BMPR1B: variants seen among roughly 807,000 people sequenced by gnomAD.
The protein encoded by BMPR1B is bone morphogenetic protein receptor type-1B.
BMPR1B carries 12 observed loss-of-function variants against 59.1 expected under a neutral mutation model. The ratio of observed to expected loss-of-function variants is 0.20; its 90% confidence interval spans 0.13 to 0.33. BMPR1B has a LOEUF of 0.33. BMPR1B is among the 10% of genes least tolerant of loss of function. The pLI, the probability that BMPR1B is intolerant of heterozygous loss-of-function variation, is 1.00. For missense variants in BMPR1B, 550 were observed against 610.9 expected, an observed-to-expected ratio of 0.90 and a Z score of 1.05; for synonymous variants, 237 against 207.3, an observed-to-expected ratio of 1.14 and a Z score of -1.23.
At chr4:95,026,126 C>CTTTCTTTCTTTCTTTCTTTG (rs1724378281) in intron 3 of BMPR1B, among the ~76,000 whole-genome samples, 1 of 84,774 alleles carries the variant, frequency 1.2e-5, no homozygotes, top group Non-Finnish European at 3.3e-5. Flanking sequence ...TTCTTTCTTT[C>CTTTCTTTCTTTCTTTCTTTG]TTTCTTTCTT....
chr4:95,057,817 T>C (rs1727045283), intron 3 of BMPR1B, among the ~76,000 whole-genome samples: 1 of 152,188 alleles, frequency 6.6e-6, no homozygotes, highest in Non-Finnish European at 1.5e-5. Flanking sequence ...AAATGAGTTA[T>C]TTATCAACTA....
intron 3 of BMPR1B, among the ~76,000 whole-genome samples, chr4:95,084,922 A>T (rs1301798386): frequency 2.0e-5 from 3 of 152,184 alleles, no homozygotes; most frequent in African/African-American, 7.2e-5. Context: ...AGAGCTAGAA[A>T]TCATGATTCC....
At chr4:95,097,554 G>T (rs778066390) in intron 3 of BMPR1B, among the ~76,000 whole-genome samples, 18 of 150,680 alleles carry the variant, frequency 1.2e-4, no homozygotes, top group Non-Finnish European at 2.5e-4. Flanking sequence ...TCTTTTTTTT[G>T]TTGAGACAGA....
chr4:94,900,925 A>G (rs1031952888), intron 2 of BMPR1B, among the ~76,000 whole-genome samples: 2 of 152,006 alleles, frequency 1.3e-5, no homozygotes, highest in Non-Finnish European at 2.9e-5. Flanking sequence ...TGCCCAAAAA[A>G]TATGCCCCAA....
At chr4:94,874,717 G>A (rs1214815329) in intron 1 of BMPR1B, among the ~76,000 whole-genome samples, 2 of 152,126 alleles carry the variant, frequency 1.3e-5, no homozygotes, top group South Asian at 2.1e-4. Flanking sequence ...GCCGGGTGCG[G>A]TGGCTCCTGC....
At chr4:94,958,722 C>T (rs552706894) in intron 2 of BMPR1B, among the ~76,000 whole-genome samples, 94 of 152,122 alleles carry the variant, frequency 6.2e-4, no homozygotes, top group African/African-American at 9.6e-4. Flanking sequence ...CAGTGTTAGT[C>T]GTTGTTTGGA....
At chr4:95,002,337 T>C (rs1722504952) in intron 3 of BMPR1B, among the ~76,000 whole-genome samples, 1 of 152,200 alleles carries the variant, frequency 6.6e-6, no homozygotes, top group Non-Finnish European at 1.5e-5. Context: ...GGCAGTGTAG[T>C]ACCATGGTGC....
intron 2 of BMPR1B, among the ~76,000 whole-genome samples, chr4:94,883,230 G>C (rs1379166295): frequency 6.6e-6 from 1 of 152,196 alleles, no homozygotes; most frequent in Non-Finnish European, 1.5e-5. Context: ...ATCTGAGGGA[G>C]AGAGTGTCTG....
intron 3 of BMPR1B, among the ~76,000 whole-genome samples, chr4:95,084,335 A>ATGTATG (rs1270360070): frequency 1.3e-5 from 2 of 149,950 alleles, no homozygotes; most frequent in Non-Finnish European, 3.0e-5. Context: ...GTGTATGTAT[A>ATGTATG]TGTATGTGTA....
intron 1 of BMPR1B, among the ~76,000 whole-genome samples, chr4:94,863,773 C>T (rs1449726428): frequency 6.6e-6 from 1 of 152,200 alleles, no homozygotes; most frequent in Non-Finnish European, 1.5e-5. Context: ...GTTAATTATA[C>T]AAATGAAAGA....
At chr4:94,844,959 A>G (rs1453064487) in intron 1 of BMPR1B, among the ~76,000 whole-genome samples, 3 of 152,200 alleles carry the variant, frequency 2.0e-5, no homozygotes, top group African/African-American at 2.4e-5. Flanking sequence ...TTCTTCAAGG[A>G]AAATCCAGAG....
At chr4:95,099,598 G>A (rs995321739) in intron 3 of BMPR1B, among the ~76,000 whole-genome samples, 6 of 151,992 alleles carry the variant, frequency 3.9e-5, no homozygotes, top group African/African-American at 9.6e-5. Context: ...TCTGTTTCAC[G>A]CGCGCACACG....
At chr4:94,975,657 G>A (rs561067651) in intron 2 of BMPR1B, among the ~76,000 whole-genome samples, 57 of 152,080 alleles carry the variant, frequency 3.7e-4, no homozygotes, top group African/African-American at 1.2e-3. Flanking sequence ...TAGGACTACA[G>A]GCATGAGCCA....
At chr4:94,937,445 A>C (rs1193927537) in intron 2 of BMPR1B, among the ~76,000 whole-genome samples, 1 of 152,062 alleles carries the variant, frequency 6.6e-6, no homozygotes, top group African/African-American at 2.4e-5. Flanking sequence ...TTTTCTCTTA[A>C]TCCTCATCCC....
At chr4:94,864,839 TTGTTGGTAA>T (rs1187890697) in intron 1 of BMPR1B, among the ~76,000 whole-genome samples, 1 of 147,640 alleles carries the variant, frequency 6.8e-6, no homozygotes, top group Admixed American at 6.6e-5. Context: ...TTTCAATCTG[TTGTTGGTAA>T]AACCCATAGT....
At chr4:94,793,232 T>C (rs1341514402) in intron 1 of BMPR1B, among the ~76,000 whole-genome samples, 1 of 152,000 alleles carries the variant, frequency 6.6e-6, no homozygotes, top group African/African-American at 2.4e-5. Context: ...GTGATCTCAT[T>C]GTTCAATTCC....
intron 3 of BMPR1B, 86 bp from the exon 4 acceptor site, chr4:95,104,322 A>T: frequency 7.0e-7 from 1 of 1,429,912 alleles, no homozygotes; most frequent in Non-Finnish European, 9.6e-7. Flanking sequence ...ACTTCATTTT[A>T]AAATGTAATC....
chr4:94,943,568 A>AT (rs1199474543), intron 2 of BMPR1B, among the ~76,000 whole-genome samples: 12 of 152,208 alleles, frequency 7.9e-5, no homozygotes, highest in Non-Finnish European at 1.3e-4. Flanking sequence ...CATGCTTAGG[A>AT]TAGTGCCCTG....
intron 11 of BMPR1B, 129 bp downstream of exon 11, chr4:95,149,052 T>G: frequency 1.6e-6 from 2 of 1,232,088 alleles, no homozygotes; most frequent in Non-Finnish European, 2.3e-6. Context: ...TTTCTGTTGA[T>G]GCAGTCATAG....
Sources: allele counts gnomAD v4.1 joint callset (sites outside exome capture counted in the v4.1 genomes callset), GRCh38; gene constraint gnomAD v4.1.1; transcripts MANE v1.5; gene names NCBI Gene and HGNC (gene_info 2026-07-23, HGNC 2026-07-21).